LNX2: variants seen among roughly 807,000 people sequenced by gnomAD.
The protein encoded by LNX2 is ligand of numb-protein X 2.
A neutral mutation model predicts 66.2 loss-of-function variants in LNX2; 35 were observed. That is an observed-to-expected ratio of 0.53 (90% CI 0.40 to 0.70). The LOEUF (loss-of-function observed/expected upper bound fraction) is 0.70. Ranked by LOEUF, LNX2 falls within the 30% of genes least tolerant of loss-of-function variation. The probability of loss-of-function intolerance (pLI) is 0.00; values close to 1 mark genes in which losing one functional copy is unlikely to be tolerated. For missense variants in LNX2, 791 were observed against 850.8 expected (o/e 0.93, Z 0.87); for synonymous variants, 337 against 315.6 (o/e 1.07, Z -0.72).
At chr13:27,607,578 CTTAA>C (rs1955731035) in intron 1 of LNX2, among the ~76,000 whole-genome samples, 1 of 152,136 alleles carries the variant, frequency 6.6e-6, no homozygotes, top group South Asian at 2.1e-4. Context: ...TTTTGTTTTT[CTTAA>C]TTGAGAACAT....
intron 1 of LNX2, among the ~76,000 whole-genome samples, chr13:27,583,255 T>TGTGTGTGTGTGTGTGTGCGC (rs1555268514): frequency 1.7e-5 from 1 of 58,528 alleles, no homozygotes; most frequent in Non-Finnish European, 3.2e-5. Context: ...TGTGTGTGTG[T>TGTGTGTGTGTGTGTGTGCGC]GCGCGCGTCC....
chr13:27,599,398 T>C (rs1955631487), intron 1 of LNX2, among the ~76,000 whole-genome samples: 2 of 152,198 alleles, frequency 1.3e-5, no homozygotes, highest in South Asian at 4.1e-4. Context: ...TGTAAATTAG[T>C]GCCTCAAGAT....
At chr13:27,562,197 A>C (rs1185973923) in intron 5 of LNX2, among the ~76,000 whole-genome samples, 2 of 152,204 alleles carry the variant, frequency 1.3e-5, no homozygotes, top group African/African-American at 4.8e-5. Flanking sequence ...TCTGTAAATA[A>C]CCATCCCCAA....
chr13:27,583,255 T>TGTGTGTGTGTGTGTGTGTGTGCGC (rs1555268514), intron 1 of LNX2, among the ~76,000 whole-genome samples: 1 of 58,528 alleles, frequency 1.7e-5, no homozygotes. Context: ...TGTGTGTGTG[T>TGTGTGTGTGTGTGTGTGTGTGCGC]GCGCGCGTCC....
chr13:27,579,915 T>C (rs1053687040), intron 2 of LNX2, among the ~76,000 whole-genome samples: 1 of 152,186 alleles, frequency 6.6e-6, no homozygotes, highest in East Asian at 1.9e-4. Context: ...TATAAAAAAA[T>C]GCAATGCTAC....
chr13:27,587,784 G>C (rs553017520), intron 1 of LNX2, among the ~76,000 whole-genome samples: 3 of 152,088 alleles, frequency 2.0e-5, no homozygotes, highest in East Asian at 3.9e-4. Flanking sequence ...CACTTTGGGA[G>C]GCCAAGGCGG....
chr13:27,586,649 T>G (rs1297249270), intron 1 of LNX2, among the ~76,000 whole-genome samples: 1 of 152,252 alleles, frequency 6.6e-6, no homozygotes, highest in Admixed American at 6.5e-5. Flanking sequence ...CATGTTCATA[T>G]ATGTTTGAGT....
In LNX2 at chr13:27,581,632, AAAACACAGGGGGT is replaced by A; in HGVS notation, c.59_71del (p.Asn20MetfsTer25). 1 of 1,614,108 alleles carries A rather than the reference AAAACACAGGGGGT, an allele frequency of 6.2e-7. No homozygotes were observed. Among genetic ancestry groups the A allele is most frequent in the Non-Finnish European group, 8.5e-7 (1 of 1,179,998 alleles). The stretch of plus-strand genomic sequence containing the variant: ...TTGTCCAGTGCTGTTGGCCACATTC[AAAACACAGGGGGT>A]TTAGAGAAGAGGAGGAGGTCTGTTC... On this transcript the variant is annotated frameshift_variant, in exon 2 of 10. Transcript: ENST00000316334. LOFTEE classifies it high-confidence loss of function.
chr13:27,563,312 T>C (rs1026544895), intron 4 of LNX2, among the ~76,000 whole-genome samples: 7 of 152,218 alleles, frequency 4.6e-5, no homozygotes, highest in African/African-American at 1.7e-4. Flanking sequence ...ACATTTCAGG[T>C]ATACAAACTT....
chr13:27,597,956 GC>G (rs1955617560), intron 1 of LNX2, among the ~76,000 whole-genome samples: 1 of 151,948 alleles, frequency 6.6e-6, no homozygotes. Flanking sequence ...TCTCCAAAAA[GC>G]CAAAATTTGA....
At chr13:27,576,937 A>G (rs971886365) in intron 2 of LNX2, among the ~76,000 whole-genome samples, 2 of 152,198 alleles carry the variant, frequency 1.3e-5, no homozygotes, top group Admixed American at 1.3e-4. Context: ...AGCATAAGCA[A>G]ACAACAATGA....
intron 1 of LNX2, among the ~76,000 whole-genome samples, chr13:27,586,661 CA>C (rs746830830): frequency 6.6e-5 from 10 of 152,152 alleles, no homozygotes; most frequent in Non-Finnish European, 1.5e-4. Flanking sequence ...TGTTTGAGTT[CA>C]GATATTATAT....
chr13:27,609,477 CAAAG>C (rs907824941), intron 1 of LNX2, among the ~76,000 whole-genome samples: 7 of 152,074 alleles, frequency 4.6e-5, no homozygotes, highest in African/African-American at 1.2e-4. Flanking sequence ...TTTTTGAAGA[CAAAG>C]AAAGTTATAT....
chr13:27,584,178 C>A lies in LNX2; in HGVS notation c.-100-2375G>T, dbSNP rs573705097. Among the ~76,000 whole-genome samples the A allele has an allele frequency of 7.2e-5, 11 of 152,268 alleles. No homozygotes were observed. The South Asian group carries it at 1.7e-3, about 23-fold the overall frequency. On this transcript the variant is annotated intron_variant, in intron 1 of 9. Coordinates refer to ENST00000316334, the MANE Select transcript of LNX2 (RefSeq NM_153371.4). Reference sequence around the variant, plus strand: ...TACCATGTTGAGGCTACTAGCATTTCTATTTCAATAACAAAATTCTCCAAT... The same window carrying A: ...TACCATGTTGAGGCTACTAGCATTTATATTTCAATAACAAAATTCTCCAAT...
chr13:27,588,330 A>T (rs1397387657), intron 1 of LNX2, among the ~76,000 whole-genome samples: 1 of 152,232 alleles, frequency 6.6e-6, no homozygotes, highest in African/African-American at 2.4e-5. Flanking sequence ...ACAGAGTTTT[A>T]CTCAGCGATA....
intron 4 of LNX2, among the ~76,000 whole-genome samples, chr13:27,564,694 A>G (rs1955183610): frequency 6.6e-6 from 1 of 152,190 alleles, no homozygotes; most frequent in African/African-American, 2.4e-5. Flanking sequence ...GCTTATGTAT[A>G]TGGTCTGCAA....
chr13:27,551,119 C>T (rs1378254950), intron 8 of LNX2, among the ~76,000 whole-genome samples: 1 of 151,238 alleles, frequency 6.6e-6, no homozygotes, highest in Non-Finnish European at 1.5e-5. Flanking sequence ...AAATCTTTTT[C>T]TTTTTTTTTC....
At chr13:27,614,968 G>A (rs1955811145) in intron 1 of LNX2, among the ~76,000 whole-genome samples, 1 of 151,918 alleles carries the variant, frequency 6.6e-6, no homozygotes, top group Non-Finnish European at 1.5e-5. Flanking sequence ...CAACACAACA[G>A]TCATCAACAC....
chr13:27,602,817 T>C (rs564329729), intron 1 of LNX2, among the ~76,000 whole-genome samples: 1 of 152,342 alleles, frequency 6.6e-6, no homozygotes, highest in East Asian at 1.9e-4. Context: ...GGTTGCTCCA[T>C]ATTCTTTGTC....
Sources: allele counts gnomAD v4.1 joint callset (sites outside exome capture counted in the v4.1 genomes callset), GRCh38; gene constraint gnomAD v4.1.1; transcripts MANE v1.5; gene names NCBI Gene and HGNC (gene_info 2026-07-23, HGNC 2026-07-21).